Variants in PDE10A observed in about 807,000 individuals in gnomAD.
PDE10A encodes cAMP and cAMP-inhibited cGMP 3',5'-cyclic phosphodiesterase 10A.
PDE10A carries 39 observed loss-of-function variants against 97.7 expected under a neutral mutation model. The ratio of observed to expected loss-of-function variants is 0.40; its 90% CI spans 0.31 to 0.52. The LOEUF (loss-of-function observed/expected upper bound fraction) is 0.52. Ranked by LOEUF, PDE10A falls within the 20% of genes least tolerant of loss-of-function variation. The probability of loss-of-function intolerance (pLI) is 0.56; values close to 1 mark genes in which losing one functional copy is unlikely to be tolerated. For missense variants in PDE10A, 731 were observed against 1,047.8 expected (o/e 0.70, Z 4.17); for synonymous variants, 371 against 376.8 (o/e 0.98, Z 0.18).
chr6:165,469,553 T>C lies in PDE10A; in HGVS notation c.1023+12762A>G, dbSNP rs180864234. Among the ~76,000 whole-genome samples, 3 of 152,342 alleles carry C rather than the reference T, an allele frequency of 2.0e-5. No homozygotes were observed. The East Asian group carries it at 5.8e-4, about 29-fold the overall frequency. On this transcript the variant is annotated intron_variant, in intron 3 of 21. Coordinates refer to ENST00000539869, the MANE Select transcript of PDE10A (RefSeq NM_001385079.1). ...TAAATTTGAATGCCTGAAGAAGATA[T>C]TTCAACTTGTGTAATAAGATGAATA...
intron 1 of PDE10A, among the ~76,000 whole-genome samples, chr6:165,861,236 C>T (rs994786260): frequency 1.8e-4 from 27 of 152,282 alleles, no homozygotes; most frequent in African/African-American, 6.3e-4. Context: ...TGAATGTATT[C>T]GTTAGTTCAA....
chr6:165,426,198 TC>T (rs1212753798), intron 10 of PDE10A, among the ~76,000 whole-genome samples: 1 of 152,144 alleles, frequency 6.6e-6, no homozygotes, highest in African/African-American at 2.4e-5. Context: ...ACCTGCTACT[TC>T]TAAAATTTAA....
rs865832083 is a variant in PDE10A at position 165,524,462 on chromosome 6, T to C, written c.994+18978A>G. ...AAATAAATACATTTGACACTCCTGATTCACCGCTTGTAAGAGGCAAGGAGT... is the reference window on the plus strand; with the variant it reads ...AAATAAATACATTTGACACTCCTGACTCACCGCTTGTAAGAGGCAAGGAGT... On this transcript the variant is annotated intron_variant, in intron 2 of 21. Coordinates refer to ENST00000539869, the MANE Select transcript of PDE10A (RefSeq NM_001385079.1). Among the ~76,000 whole-genome samples, 5 of 152,314 alleles carry C rather than the reference T, an allele frequency of 3.3e-5. No homozygotes were observed. In the South Asian group the frequency reaches 8.3e-4, roughly 25 times the overall value.
chr6:165,618,740 G>A (rs1050420348), intron 1 of PDE10A, among the ~76,000 whole-genome samples: 1 of 152,224 alleles, frequency 6.6e-6, no homozygotes, highest in African/African-American at 2.4e-5. Context: ...GATTTGTACA[G>A]CTTCCCCTCC....
intron 1 of PDE10A, among the ~76,000 whole-genome samples, chr6:165,727,259 C>A (rs1225309176): frequency 6.6e-6 from 1 of 152,238 alleles, no homozygotes; most frequent in Non-Finnish European, 1.5e-5. Context: ...CTTAGAATCA[C>A]GCGTATAAAG....
chr6:165,392,706 A>C lies in PDE10A; in HGVS notation c.2394T>G (p.Thr798=), dbSNP rs145186499. Residue 798 remains threonine, a synonymous_variant, in exon 16 of 22, where the codon ACT becomes ACG. Coordinates refer to ENST00000539869, the MANE Select transcript of PDE10A (RefSeq NM_001385079.1). ...GTATGGCATACATGCAGTGTGCTAC[A>C]GTGACCGCATGCTTCCAGTTGTGAT... is the stretch of plus-strand genomic sequence containing the variant. ...VPYHNWKHAV[T]VAHCMYAILQ... 20 of 1,613,810 alleles carry C rather than the reference A, an allele frequency of 1.2e-5. No individual in the cohort carries two copies. The highest frequency in any genetic ancestry group is 1.7e-5 in the Admixed American group (1 of 59,994).
chr6:165,656,589 T>A (rs974164950), intron 1 of PDE10A, among the ~76,000 whole-genome samples: 3 of 152,090 alleles, frequency 2.0e-5, no homozygotes, highest in Admixed American at 6.5e-5. Flanking sequence ...TTGTAAAGTA[T>A]CCTTAGCTTA....
intron 1 of PDE10A, among the ~76,000 whole-genome samples, chr6:165,867,456 G>C (rs947208908): frequency 2.0e-5 from 3 of 151,978 alleles, no homozygotes; most frequent in African/African-American, 7.2e-5. Context: ...AATAATAAAA[G>C]AATCAATTCA....
At chr6:165,919,349 A>G (rs1339562275) in intron 1 of PDE10A, among the ~76,000 whole-genome samples, 4 of 152,150 alleles carry the variant, frequency 2.6e-5, no homozygotes, top group African/African-American at 9.7e-5. Flanking sequence ...CCATGAGCAT[A>G]TGTACTCATG....
chr6:165,443,428 C>G (rs1790616151), intron 5 of PDE10A, among the ~76,000 whole-genome samples: 1 of 152,178 alleles, frequency 6.6e-6, no homozygotes. Flanking sequence ...CACAGCTCTG[C>G]CCCTGTGGTT....
chr6:165,451,303 A>G (rs1791273791), intron 3 of PDE10A, among the ~76,000 whole-genome samples: 1 of 152,178 alleles, frequency 6.6e-6, no homozygotes, highest in African/African-American at 2.4e-5. Context: ...TCAAGCTATA[A>G]TGTGTCTTCT....
At chr6:165,941,826 T>G (rs1783533382) in intron 1 of PDE10A, among the ~76,000 whole-genome samples, 2 of 152,182 alleles carry the variant, frequency 1.3e-5, no homozygotes, top group Admixed American at 1.3e-4. Context: ...AAGTGTTTCT[T>G]TATAACAATG....
intron 3 of PDE10A, among the ~76,000 whole-genome samples, chr6:165,462,528 C>T (rs1412591562): frequency 6.6e-6 from 1 of 152,180 alleles, no homozygotes; most frequent in Non-Finnish European, 1.5e-5. Flanking sequence ...ACACCTAAAA[C>T]CTTATCATGA....
In PDE10A at chr6:165,671,080, C is replaced by G. The variant is rs1185335671; in HGVS notation, c.-614-127512G>C. 1.3e-5 allele frequency among the ~76,000 whole-genome samples: 2 copies of G among 152,074 alleles called. No homozygotes were observed. The highest frequency in any genetic ancestry group is 2.9e-5 in the Non-Finnish European group (2 of 68,012). ...ATTGTACTGGTAAAGAGTCTGATTT[C>G]CTAGGTTTTCAACATATCAATGTTA... On this transcript the variant is annotated intron_variant, in intron 1 of 19. Transcript: ENST00000366882. This position sits in a 1 kb window ranked among gnomAD's most constrained non-coding sequence, Gnocchi z 4.6.
At chr6:165,519,816 C>G (rs796441675) in intron 2 of PDE10A, among the ~76,000 whole-genome samples, 12 of 152,176 alleles carry the variant, frequency 7.9e-5, no homozygotes, top group African/African-American at 1.9e-4. Flanking sequence ...AATTATGTGG[C>G]TCGATTTTTT....
At chr6:165,740,907 A>C (rs1320108821) in intron 1 of PDE10A, among the ~76,000 whole-genome samples, 1 of 152,206 alleles carries the variant, frequency 6.6e-6, no homozygotes, top group Non-Finnish European at 1.5e-5. Flanking sequence ...GTCAAAGCAC[A>C]CAAAGTTTCA....
intron 1 of PDE10A, among the ~76,000 whole-genome samples, chr6:165,787,298 A>T (rs959205773): frequency 6.6e-6 from 1 of 152,212 alleles, no homozygotes; most frequent in African/African-American, 2.4e-5. Flanking sequence ...AATGCTTTAC[A>T]AGAAATGAAA....
chr6:165,965,606 C>T (rs1202560080), intron 1 of PDE10A, among the ~76,000 whole-genome samples: 1 of 152,202 alleles, frequency 6.6e-6, no homozygotes. Flanking sequence ...TTCTTTGTCA[C>T]TCAGCACACT....
Position 165,661,828 on chromosome 6 carries a change from G to A in PDE10A, c.865+119C>T, listed in dbSNP as rs1227502630. ...CAGAGAAGCCCCCTGGGCGCTCCACGCCCGGGCACGGGCACCTCGCTCGAC... is the reference window on the plus strand; with the variant it reads ...CAGAGAAGCCCCCTGGGCGCTCCACACCCGGGCACGGGCACCTCGCTCGAC... On this transcript the variant is annotated intron_variant, in intron 1 of 21. Coordinates refer to ENST00000539869, the MANE Select transcript of PDE10A (RefSeq NM_001385079.1). The surrounding 1 kb of genome is among the most constrained non-coding windows in gnomAD (Gnocchi z 4.8). 2 of 579,256 alleles carry A rather than the reference G, an allele frequency of 3.5e-6. No individual in the cohort carries two copies. Among genetic ancestry groups the A allele is most frequent in the East Asian group, 3.7e-5 (1 of 27,278 alleles). 35.9% of individuals were successfully genotyped at this position (579,256 alleles called of 1,614,324 possible). A position where few individuals can be genotyped will look rare whatever the true frequency, so the allele number is the denominator to read the frequency against.
Sources: gnomAD v4.1 joint callset for allele counts (sites outside exome capture counted in the v4.1 genomes callset) on GRCh38, gnomAD v4.1.1 for gene constraint, Gnocchi (gnomAD v3.1) non-coding constraint, MANE v1.5 for transcripts, NCBI Gene and HGNC (gene_info 2026-07-23, HGNC 2026-07-21) for gene names.